LRRTM4: variants seen among roughly 807,000 people sequenced by gnomAD.
LRRTM4 encodes leucine-rich repeat transmembrane neuronal protein 4.
Under a neutral mutation model 47.6 loss-of-function variants are expected in LRRTM4, and 25 were observed. That is an observed-to-expected ratio of 0.53 (90% CI 0.38 to 0.73). The LOEUF (loss-of-function observed/expected upper bound fraction) is 0.73, where lower values mean the gene tolerates loss of function less well. LRRTM4 is among the 30% of genes least tolerant of loss of function. LRRTM4 has a pLI of 0.00. For synonymous variants in LRRTM4, 311 were observed against 269.5 expected, an observed-to-expected ratio of 1.15 and a Z score of -1.51; for missense variants, 638 against 713.4, an observed-to-expected ratio of 0.89 and a Z score of 1.20.
At chr2:77,264,557 A>G (rs1676002333) in intron 3 of LRRTM4, among the ~76,000 whole-genome samples, 1 of 152,238 alleles carries the variant, frequency 6.6e-6, no homozygotes, top group Admixed American at 6.6e-5. Context: ...AAAGAAATCC[A>G]AGACAACTTA....
intron 3 of LRRTM4, among the ~76,000 whole-genome samples, chr2:77,218,931 A>C (rs2103942137): frequency 6.6e-6 from 1 of 152,352 alleles, no homozygotes; most frequent in South Asian, 2.1e-4. Flanking sequence ...AAAATGAGGT[A>C]GATGAAAACG....
At chr2:77,234,483 G>A (rs1172427807) in intron 3 of LRRTM4, among the ~76,000 whole-genome samples, 2 of 152,134 alleles carry the variant, frequency 1.3e-5, no homozygotes, top group South Asian at 2.1e-4. Flanking sequence ...TAGTTTCACT[G>A]TAAAAGGTAG....
chr2:76,795,150 T>C (rs1394467268), intron 3 of LRRTM4, among the ~76,000 whole-genome samples: 1 of 151,722 alleles, frequency 6.6e-6, no homozygotes, highest in Non-Finnish European at 1.5e-5. Flanking sequence ...GGACAAAATA[T>C]ATGAATAGGC....
At chr2:76,965,561 A>C (rs1311722995) in intron 3 of LRRTM4, among the ~76,000 whole-genome samples, 1 of 151,346 alleles carries the variant, frequency 6.6e-6, no homozygotes, top group African/African-American at 2.4e-5. Context: ...CCTAAAGTAA[A>C]TACATACTTG....
chr2:77,302,796 C>A (rs1351216462), intron 3 of LRRTM4, among the ~76,000 whole-genome samples: 9 of 152,112 alleles, frequency 5.9e-5, no homozygotes, highest in African/African-American at 2.2e-4. Context: ...GTTGTGGGAA[C>A]TTCTATCAGT....
At chr2:77,053,776 A>T (rs1679515600) in intron 3 of LRRTM4, among the ~76,000 whole-genome samples, 1 of 152,188 alleles carries the variant, frequency 6.6e-6, no homozygotes, top group Admixed American at 6.5e-5. Context: ...GGAAAATTAA[A>T]TTGAAATTTT....
At chr2:76,787,712 A>G (rs1674753112) in intron 3 of LRRTM4, among the ~76,000 whole-genome samples, 1 of 152,088 alleles carries the variant, frequency 6.6e-6, no homozygotes, top group South Asian at 2.1e-4. Context: ...TTCTTATCCC[A>G]TGGGACTTGT....
chr2:76,994,291 A>T (rs1357106610), intron 3 of LRRTM4, among the ~76,000 whole-genome samples: 1 of 151,876 alleles, frequency 6.6e-6, no homozygotes, highest in Admixed American at 6.6e-5. Context: ...TTTAAAAATT[A>T]TAAAAATAAA....
intron 3 of LRRTM4, among the ~76,000 whole-genome samples, chr2:76,781,390 C>G (rs1191696498): frequency 6.6e-6 from 1 of 152,228 alleles, no homozygotes; most frequent in Admixed American, 6.5e-5. Context: ...GACTGCTGTG[C>G]TAGCAATCAG....
At chr2:76,905,378 G>A (rs1434130005) in intron 3 of LRRTM4, among the ~76,000 whole-genome samples, 3 of 152,032 alleles carry the variant, frequency 2.0e-5, no homozygotes, top group African/African-American at 4.8e-5. Context: ...ACCAAAAGTA[G>A]ATAAAACCAC....
intron 3 of LRRTM4, among the ~76,000 whole-genome samples, chr2:77,096,167 A>T (rs1285269414): frequency 6.6e-6 from 1 of 151,818 alleles, no homozygotes; most frequent in Admixed American, 6.6e-5. Context: ...AAAATTAATA[A>T]ATTAATTTTT....
At chr2:76,788,302 G>C (rs1573104216) in intron 3 of LRRTM4, among the ~76,000 whole-genome samples, 1 of 152,136 alleles carries the variant, frequency 6.6e-6, no homozygotes, top group Non-Finnish European at 1.5e-5. Context: ...GACAAGAAAA[G>C]GAGTCACATA....
intron 3 of LRRTM4, among the ~76,000 whole-genome samples, chr2:77,171,815 C>T (rs1187752067): frequency 1.3e-5 from 2 of 151,896 alleles, no homozygotes; most frequent in African/African-American, 4.8e-5. Context: ...AGGCATTGCT[C>T]TTTATATAAT....
At chr2:77,167,251 G>A (rs529794935) in intron 3 of LRRTM4, among the ~76,000 whole-genome samples, 2 of 152,274 alleles carry the variant, frequency 1.3e-5, no homozygotes, top group African/African-American at 4.8e-5. Context: ...ACCACAATGA[G>A]ATACCATTTC....
intron 3 of LRRTM4, among the ~76,000 whole-genome samples, chr2:76,949,194 C>G (rs1430878232): frequency 1.3e-5 from 2 of 151,884 alleles, no homozygotes; most frequent in Non-Finnish European, 2.9e-5. Context: ...ATCTATTTCT[C>G]TTCAGTTATT....
chr2:76,804,221 G>A (rs1675848159), intron 3 of LRRTM4, among the ~76,000 whole-genome samples: 1 of 152,150 alleles, frequency 6.6e-6, no homozygotes, highest in African/African-American at 2.4e-5. Flanking sequence ...TAATACCTTT[G>A]TTGAAGATAT....
intron 3 of LRRTM4, among the ~76,000 whole-genome samples, chr2:77,511,452 T>C (rs567056285): frequency 1.3e-5 from 2 of 152,050 alleles, no homozygotes; most frequent in South Asian, 4.2e-4. Flanking sequence ...ATTAAAATAT[T>C]AGTATATTTT....
chr2:77,490,624 T>TAAAAAA (rs70956637), intron 3 of LRRTM4, among the ~76,000 whole-genome samples: 2 of 150,552 alleles, frequency 1.3e-5, no homozygotes, highest in Admixed American at 6.6e-5. Context: ...TCAAAAATAA[T>TAAAAAA]AAAAAAAAAC....
At chr2:77,254,772 T>C (rs1373882715) in intron 3 of LRRTM4, among the ~76,000 whole-genome samples, 1 of 151,622 alleles carries the variant, frequency 6.6e-6, no homozygotes, top group Non-Finnish European at 1.5e-5. Context: ...TACTTAAAAA[T>C]TCTATACAAG....
Sources: allele counts gnomAD v4.1 joint callset (sites outside exome capture counted in the v4.1 genomes callset), GRCh38; gene constraint gnomAD v4.1.1; transcripts MANE v1.5; gene names NCBI Gene and HGNC (gene_info 2026-07-23, HGNC 2026-07-21).